NEK1: variants seen among roughly 807,000 people sequenced by gnomAD.
NEK1 encodes the protein NIMA related kinase 1.
A neutral mutation model predicts 182.1 loss-of-function variants in NEK1; 137 were observed. That is an observed-to-expected ratio of 0.75 (90% confidence interval 0.65 to 0.87). The LOEUF (loss-of-function observed/expected upper bound fraction) is 0.87. Ranked by LOEUF, NEK1 falls within the 40% of genes least tolerant of loss-of-function variation. The probability of loss-of-function intolerance (pLI) is 0.00; values close to 1 mark genes in which losing one functional copy is unlikely to be tolerated. For synonymous variants in NEK1, 513 were observed against 492.2 expected (o/e 1.04, Z -0.56); for missense variants, 1,391 against 1,494.4 (o/e 0.93, Z 1.14).
chr4:169,532,944 G>C (rs1460100756), intron 19 of NEK1, among the ~76,000 whole-genome samples: 1 of 151,850 alleles, frequency 6.6e-6, no homozygotes, highest in Non-Finnish European at 1.5e-5. Flanking sequence ...AAGGAAAAAG[G>C]AAAGGAGAAA....
chr4:169,506,052 T>C (rs1753199227), intron 23 of NEK1, among the ~76,000 whole-genome samples: 2 of 148,966 alleles, frequency 1.3e-5, no homozygotes, highest in South Asian at 2.1e-4. Context: ...GTAGGTTTAA[T>C]ATAATACTAA....
intron 2 of NEK1, among the ~76,000 whole-genome samples, chr4:169,609,928 T>C (rs1772029614): frequency 6.6e-6 from 1 of 152,216 alleles, no homozygotes; most frequent in Non-Finnish European, 1.5e-5. Context: ...ATCATGCTTC[T>C]TTTCAAGTAT....
At chr4:169,400,069 G>A (rs1731389180) in intron 35 of NEK1, 156 bp downstream of exon 35, 3 of 767,854 alleles carry the variant, frequency 3.9e-6, no homozygotes, top group Non-Finnish European at 6.7e-6. Context: ...ATCAGTAAAA[G>A]TACATGACAA....
intron 27 of NEK1, among the ~76,000 whole-genome samples, chr4:169,448,630 C>T (rs1329137550): frequency 1.3e-5 from 2 of 152,134 alleles, no homozygotes; most frequent in African/African-American, 4.8e-5. Flanking sequence ...GGAATAAACT[C>T]TCCAATCAAA....
At chr4:169,463,436 T>C (rs1744346096) in intron 26 of NEK1, 41 bp from the exon 27 acceptor site, 5 of 1,492,046 alleles carry the variant, frequency 3.4e-6, no homozygotes, top group Non-Finnish European at 4.6e-6. Flanking sequence ...TCAATAACAG[T>C]ATAATAATAC....
At chr4:169,426,293 G>A (rs1736379948) in intron 29 of NEK1, 59 bp from the exon 30 acceptor site, 4 of 1,404,420 alleles carry the variant, frequency 2.8e-6, no homozygotes, top group African/African-American at 2.8e-5. Context: ...AGAAATAAAA[G>A]TGCTCTAAAA....
At chr4:169,589,143 A>C (rs1768010259) in intron 7 of NEK1, among the ~76,000 whole-genome samples, 1 of 152,182 alleles carries the variant, frequency 6.6e-6, no homozygotes, top group Non-Finnish European at 1.5e-5. Context: ...CCATTGTGTT[A>C]CAATTTCTTA....
intron 27 of NEK1, among the ~76,000 whole-genome samples, chr4:169,447,844 G>A (rs757699395): frequency 3.9e-5 from 6 of 152,058 alleles, no homozygotes; most frequent in Non-Finnish European, 5.9e-5. Flanking sequence ...ACTCCAGCCC[G>A]GGCAACGGAG....
In NEK1 at chr4:169,460,672, A is replaced by G. The variant is rs529350685; in HGVS notation, c.2587+2571T>C. Among the ~76,000 whole-genome samples the G allele has an allele frequency of 2.0e-5, 3 of 152,322 alleles. No individual in the cohort carries two copies. The East Asian group carries it at 5.8e-4, about 29-fold the overall frequency. ...AAGAAAATGATTGGACTTTAAGTAA[A>G]AAGAAAGATATACTCTGAGCATCCA... On this transcript the variant is annotated intron_variant, in intron 27 of 35. Coordinates refer to ENST00000507142, the MANE Select transcript of NEK1 (RefSeq NM_001199397.3).
At chr4:169,585,001 C>T (rs977376871) in intron 10 of NEK1, among the ~76,000 whole-genome samples, 2 of 152,132 alleles carry the variant, frequency 1.3e-5, no homozygotes, top group Non-Finnish European at 2.9e-5. Flanking sequence ...GCCTGAATAA[C>T]ATAATGAGAC....
chr4:169,413,294 A>C (rs1206922707), intron 31 of NEK1, among the ~76,000 whole-genome samples: 1 of 151,886 alleles, frequency 6.6e-6, no homozygotes, highest in Non-Finnish European at 1.5e-5. Flanking sequence ...CTGCCTCCGA[A>C]GCAGCTGGGA....
intron 2 of NEK1, among the ~76,000 whole-genome samples, chr4:169,605,213 GGGACCACACTAATAA>G (rs1192249177): frequency 1.1e-4 from 16 of 152,250 alleles, no homozygotes; most frequent in African/African-American, 3.4e-4. Context: ...TTCCTTTCTA[GGGACCACACTAATAA>G]GACAGAAGCT....
intron 19 of NEK1, among the ~76,000 whole-genome samples, chr4:169,514,595 G>T (rs1415432008): frequency 1.3e-5 from 2 of 152,100 alleles, no homozygotes; most frequent in Non-Finnish European, 2.9e-5. Context: ...GCTAAGTTTT[G>T]GTAGTTTACG....
At chr4:169,427,615 C>A (rs1736628695) in intron 29 of NEK1, among the ~76,000 whole-genome samples, 1 of 151,994 alleles carries the variant, frequency 6.6e-6, no homozygotes, top group Non-Finnish European at 1.5e-5. Context: ...ATGACTTAGC[C>A]TCCCAAGTAG....
intron 31 of NEK1, among the ~76,000 whole-genome samples, chr4:169,418,570 A>G (rs1174368557): frequency 6.6e-6 from 1 of 152,192 alleles, no homozygotes; most frequent in Non-Finnish European, 1.5e-5. Flanking sequence ...AGACACAAAA[A>G]CAACTTCTAA....
At chr4:169,432,646 T>A (rs1019512775) in intron 29 of NEK1, among the ~76,000 whole-genome samples, 23 of 152,292 alleles carry the variant, frequency 1.5e-4, no homozygotes, top group African/African-American at 5.5e-4. Context: ...CAAATGTAGT[T>A]AACTGTAAGG....
chr4:169,546,545 T>G (rs577427818), intron 18 of NEK1, among the ~76,000 whole-genome samples: 1 of 152,316 alleles, frequency 6.6e-6, no homozygotes, highest in African/African-American at 2.4e-5. Flanking sequence ...CTTGTTAATT[T>G]TGTGTCTCAT....
chr4:169,578,678 T>C (rs1766106460), intron 11 of NEK1, among the ~76,000 whole-genome samples: 1 of 152,210 alleles, frequency 6.6e-6, no homozygotes, highest in African/African-American at 2.4e-5. Context: ...ATTGGGGTAA[T>C]TTTTCTTTTA....
At chr4:169,417,356 C>G (rs776378206) in intron 31 of NEK1, among the ~76,000 whole-genome samples, 8 of 152,170 alleles carry the variant, frequency 5.3e-5, no homozygotes, top group Non-Finnish European at 1.0e-4. Context: ...CAGCAGAAAG[C>G]CACTGAAGTC....
Sources: allele counts gnomAD v4.1 joint callset (sites outside exome capture counted in the v4.1 genomes callset), GRCh38; gene constraint gnomAD v4.1.1; transcripts MANE v1.5; gene names NCBI Gene and HGNC (gene_info 2026-07-23, HGNC 2026-07-21).